The following CDK15 variants were observed in gnomAD, a reference collection of about 807,000 sequenced individuals.
CDK15 encodes cyclin dependent kinase 15.
A neutral mutation model predicts 60.3 loss-of-function variants in CDK15; 62 were observed. That is an observed-to-expected ratio of 1.03 (90% CI 0.84 to 1.27). The LOEUF is 1.27. Among genes scored for constraint, CDK15 ranks in the 50% most tolerant of loss-of-function variants. CDK15 has a pLI of 0.00. For synonymous variants in CDK15, 194 were observed against 195.7 expected (o/e 0.99, Z 0.07); for missense variants, 541 against 527.8 (o/e 1.03, Z -0.25).
chr2:201,883,495 G>A (rs1035397619), intron 12 of CDK15, among the ~76,000 whole-genome samples: 1 of 152,192 alleles, frequency 6.6e-6, no homozygotes, highest in Non-Finnish European at 1.5e-5. Context: ...TTTATCAGGG[G>A]GTTATTTGCC....
At chr2:201,888,242 T>A (rs561917151) in intron 12 of CDK15, among the ~76,000 whole-genome samples, 2 of 152,204 alleles carry the variant, frequency 1.3e-5, no homozygotes, top group East Asian at 3.9e-4. Context: ...GGAAGGAAAG[T>A]TAAAGCAAAG....
At chr2:201,845,845 AAGAGAG>A (rs71407901) in intron 8 of CDK15, among the ~76,000 whole-genome samples, 20 of 92,062 alleles carry the variant, frequency 2.2e-4, no homozygotes, top group South Asian at 4.0e-4. Context: ...AAAAAAAAAA[AAGAGAG>A]AGAGAGAGAG....
intron 8 of CDK15, among the ~76,000 whole-genome samples, chr2:201,837,283 G>A (rs143488635): frequency 4.5e-5 from 6 of 134,698 alleles, no homozygotes; most frequent in Admixed American, 3.3e-4. Flanking sequence ...GCGAGACCCC[G>A]TCTGAAAGAA....
chr2:201,875,945 C>A (rs1699060831), intron 11 of CDK15, among the ~76,000 whole-genome samples: 1 of 152,162 alleles, frequency 6.6e-6, no homozygotes. Context: ...ACTAGAAGGA[C>A]TGATTTATCA....
chr2:201,891,227 G>A (rs968142313), intron 13 of CDK15, among the ~76,000 whole-genome samples: 7 of 152,200 alleles, frequency 4.6e-5, no homozygotes, highest in African/African-American at 1.7e-4. Flanking sequence ...GGGACGAAGG[G>A]AGGCAGAGGT....
intron 3 of CDK15, 150 bp from the exon 4 acceptor site, chr2:201,812,333 A>G: frequency 1.9e-6 from 1 of 526,598 alleles, no homozygotes; most frequent in Non-Finnish European, 3.5e-6. Context: ...ATGTATTGAT[A>G]CATGTTAAAC....
chr2:201,822,981 G>A, intron 5 of CDK15, 78 bp downstream of exon 5: 1 of 871,502 alleles, frequency 1.1e-6, no homozygotes, highest in Middle Eastern at 2.2e-4. Flanking sequence ...ATATTTTATG[G>A]CATGATAAAA....
chr2:201,868,430 G>A (rs78314659), intron 10 of CDK15, among the ~76,000 whole-genome samples: 331 of 152,192 alleles, frequency 2.2e-3, no homozygotes, highest in African/African-American at 7.0e-3. Flanking sequence ...GCCTGGCCAC[G>A]CATTGTTTAT....
chr2:201,825,926 T>C (rs548917462), intron 6 of CDK15, among the ~76,000 whole-genome samples: 3 of 152,082 alleles, frequency 2.0e-5, no homozygotes, highest in Non-Finnish European at 4.4e-5. Flanking sequence ...AGAAGAATGA[T>C]TGGAGAAAGA....
At chr2:201,836,084 T>TTTATATATATTA (rs1697046262) in intron 8 of CDK15, among the ~76,000 whole-genome samples, 1 of 52,816 alleles carries the variant, frequency 1.9e-5, no homozygotes, top group South Asian at 5.4e-4. Context: ...TTATATATAT[T>TTTATATATATTA]TATATATTTA....
At chr2:201,835,190 G>C (rs946465204) in intron 7 of CDK15, among the ~76,000 whole-genome samples, 2 of 152,176 alleles carry the variant, frequency 1.3e-5, no homozygotes. Flanking sequence ...GACCTAAGCA[G>C]GCAGAGCATG....
intron 8 of CDK15, among the ~76,000 whole-genome samples, chr2:201,842,134 G>A (rs183529358): frequency 6.6e-6 from 1 of 152,206 alleles, no homozygotes; most frequent in East Asian, 1.9e-4. Context: ...CGTATTAAAT[G>A]ATAATTTCCC....
At chr2:201,850,031 G>T (rs566239432) in intron 9 of CDK15, among the ~76,000 whole-genome samples, 11 of 152,256 alleles carry the variant, frequency 7.2e-5, no homozygotes, top group African/African-American at 2.2e-4. Flanking sequence ...CACCATGTTG[G>T]TCAGGCTGGT....
In CDK15 at chr2:201,853,746, A is replaced by G. The variant is rs569567779; in HGVS notation, c.946-1128A>G. On this transcript the variant is annotated intron_variant, in intron 9 of 13. Coordinates refer to ENST00000652192, the MANE Select transcript of CDK15 (RefSeq NM_001366386.2). ...GATTATTCTTTAAAAAAAAAAAAAT[A>G]CTAAGGTAATGCCTACCGGGGAACT... Among the ~76,000 whole-genome samples the G allele has an allele frequency of 1.0e-4, 15 of 150,090 alleles. No individual in the cohort carries two copies. In the East Asian group the frequency reaches 2.7e-3, roughly 27 times the overall value.
At position 201,822,786 on chromosome 2, in the gene CDK15, A is replaced by G. The variant is rs199801725; in HGVS notation, c.449-23A>G. 7.1e-6 allele frequency: 10 copies of G among 1,404,550 alleles called. No individual in the cohort carries two copies. The African/African-American group carries it at 1.3e-4, about 18-fold the overall frequency. The allele number at this position is 1,404,550 out of a possible 1,614,324, so 87.0% of individuals were successfully genotyped here. On this transcript the variant is annotated intron_variant, in intron 4 of 13. Coordinates refer to ENST00000652192, the MANE Select transcript of CDK15 (RefSeq NM_001366386.2). ...CACTTTCATTATCAATGATGGATTT[A>G]ACATTTTGTTTAATTTTTCTAGCTT...
chr2:201,876,676 G>T, intron 11 of CDK15: 1 of 759,574 alleles, frequency 1.3e-6, no homozygotes, highest in Non-Finnish European at 1.9e-6. Context: ...CCTGTGGGGA[G>T]GGTGAGGGTA....
chr2:201,882,565 T>TCGAATCCC lies in CDK15; in HGVS notation c.1198+2402_1198+2409dup, dbSNP rs1284605105. On this transcript the variant is annotated intron_variant, in intron 12 of 13. Coordinates refer to ENST00000652192, the MANE Select transcript of CDK15 (RefSeq NM_001366386.2). The surrounding 1 kb of genome is among the most constrained non-coding windows in gnomAD (Gnocchi z 4.0). ...GACAAGCATTTCCTGCAGCGACATC[T>TCGAATCCC]CGAATCCCCGAGGGAGAAGATGAAA... Among the ~76,000 whole-genome samples, 5 of 151,708 alleles carry TCGAATCCC rather than the reference T, an allele frequency of 3.3e-5. No individual in the cohort carries two copies. The highest frequency in any genetic ancestry group is 1.2e-4 in the African/African-American group (5 of 41,302).
At chr2:201,812,283 T>C (rs911003195) in intron 3 of CDK15, among the ~76,000 whole-genome samples, 200 bp from the exon 4 acceptor site, 3 of 152,054 alleles carry the variant, frequency 2.0e-5, no homozygotes, top group African/African-American at 7.2e-5. Flanking sequence ...TATATCACTT[T>C]AGTAAAGAGG....
chr2:201,844,763 C>T (rs960704085), intron 8 of CDK15, among the ~76,000 whole-genome samples: 1 of 151,918 alleles, frequency 6.6e-6, no homozygotes, highest in East Asian at 1.9e-4. Flanking sequence ...CAAGACCAGC[C>T]TGGGCAACAC....
Sources: allele counts gnomAD v4.1 joint callset (sites outside exome capture counted in the v4.1 genomes callset), GRCh38; gene constraint gnomAD v4.1.1; non-coding constraint Gnocchi (gnomAD v3.1); transcripts MANE v1.5; gene names NCBI Gene and HGNC (gene_info 2026-07-23, HGNC 2026-07-21).